Variants in COBL observed in about 807,000 individuals in gnomAD.
The protein encoded by COBL is cordon-bleu WH2 repeat protein.
COBL carries 51 observed loss-of-function variants against 98.8 expected under a neutral mutation model. The ratio of observed to expected loss-of-function variants is 0.52; its 90% confidence interval spans 0.41 to 0.65. COBL has a LOEUF of 0.65. Among genes scored for constraint, COBL ranks in the 30% least tolerant of loss-of-function variants. COBL has a pLI of 0.00. For synonymous variants in COBL, 634 were observed against 651.7 expected (o/e 0.97, Z 0.41); for missense variants, 1,617 against 1,617.5 (o/e 1.00, Z 0.01).
In COBL at chr7:51,028,718, G is replaced by A. The variant is rs747249558; in HGVS notation, c.2378C>T (p.Ser793Phe). The stretch of plus-strand genomic sequence containing the variant: ...CTGCGTCTGCGTGGGCACAGGGGTG[G>A]AGGGGGGTCCCCTGGCAGAGCTCTC... Reference protein sequence around the residue: ...PSESSARGPPSTPVPTQTQNP... With the variant: ...PSESSARGPPFTPVPTQTQNP... The change falls in exon 10 of 13, where the codon TCC (serine) becomes TTC (phenylalanine). Residue 793 changes from serine to phenylalanine, a missense_variant. By Grantham distance (155) the Ser-to-Phe change is radical (BLOSUM62 -2). Coordinates refer to ENST00000265136, the MANE Select transcript of COBL (RefSeq NM_015198.5). 3.1e-6 allele frequency: 5 copies of A among 1,614,086 alleles called. No individual in the cohort carries two copies. The highest frequency in any genetic ancestry group is 4.2e-6 in the Non-Finnish European group (5 of 1,179,994).
chr7:51,238,623 G>A (rs950666170), intron 1 of COBL, among the ~76,000 whole-genome samples: 11 of 147,282 alleles, frequency 7.5e-5, no homozygotes, highest in African/African-American at 2.8e-4. Flanking sequence ...AGCAAAGGGG[G>A]AAAAATGTTG....
intron 7 of COBL, among the ~76,000 whole-genome samples, chr7:51,049,496 C>G (rs1790033096): frequency 6.6e-6 from 1 of 152,174 alleles, no homozygotes; most frequent in African/African-American, 2.4e-5. Context: ...AGTCCTGATT[C>G]TCCCAGAAGA....
At chr7:51,045,662 A>C (rs1170674172) in intron 7 of COBL, among the ~76,000 whole-genome samples, 1 of 152,086 alleles carries the variant, frequency 6.6e-6, no homozygotes, top group Non-Finnish European at 1.5e-5. Flanking sequence ...CCCTCAGAGC[A>C]CCTGGTACAT....
intron 5 of COBL, among the ~76,000 whole-genome samples, chr7:51,161,636 T>G (rs1369761178): frequency 6.7e-6 from 1 of 149,296 alleles, no homozygotes; most frequent in Non-Finnish European, 1.5e-5. Context: ...TTTGCTTGTT[T>G]TATAAGGCAG....
At chr7:51,219,027 A>T (rs1793360440) in intron 2 of COBL, among the ~76,000 whole-genome samples, 1 of 152,196 alleles carries the variant, frequency 6.6e-6, no homozygotes, top group South Asian at 2.1e-4. Flanking sequence ...TAAAATCATG[A>T]TTATTTTGAT....
At chr7:51,123,007 CAT>C (rs1797884671) in intron 6 of COBL, among the ~76,000 whole-genome samples, 1 of 151,576 alleles carries the variant, frequency 6.6e-6, no homozygotes, top group African/African-American at 2.4e-5. Flanking sequence ...AATTGAATGA[CAT>C]AATTATTTTT....
At chr7:51,203,100 A>C (rs1301343865) in intron 2 of COBL, among the ~76,000 whole-genome samples, 1 of 151,982 alleles carries the variant, frequency 6.6e-6, no homozygotes, top group African/African-American at 2.4e-5. Context: ...ACCTAACTTT[A>C]CACTTCAGGG....
intron 7 of COBL, among the ~76,000 whole-genome samples, chr7:51,062,667 C>T (rs1562860871): frequency 6.6e-6 from 1 of 152,210 alleles, no homozygotes; most frequent in Non-Finnish European, 1.5e-5. Flanking sequence ...TGCTGATCTG[C>T]AGGGGCTGGA....
At chr7:51,154,069 G>T (rs1785842404) in intron 5 of COBL, among the ~76,000 whole-genome samples, 1 of 152,146 alleles carries the variant, frequency 6.6e-6, no homozygotes, top group Non-Finnish European at 1.5e-5. Flanking sequence ...CTTGGCAGAT[G>T]CAACCTTCCA....
At chr7:51,149,649 C>G (rs1198292887) in intron 5 of COBL, among the ~76,000 whole-genome samples, 2 of 152,166 alleles carry the variant, frequency 1.3e-5, no homozygotes, top group Admixed American at 1.3e-4. Flanking sequence ...CTGTGTCGCC[C>G]AGGCTGGAGT....
intron 1 of COBL, among the ~76,000 whole-genome samples, chr7:51,316,025 G>A (rs894393381): frequency 8.5e-5 from 13 of 152,228 alleles, no homozygotes; most frequent in African/African-American, 3.1e-4. Context: ...CTGCTGCCAT[G>A]AAACCCTCCG....
At chr7:51,102,076 C>T (rs1795858000) in intron 6 of COBL, among the ~76,000 whole-genome samples, 1 of 152,196 alleles carries the variant, frequency 6.6e-6, no homozygotes, top group Non-Finnish European at 1.5e-5. Flanking sequence ...GAAGAGATCA[C>T]TCATCAGTCA....
intron 8 of COBL, 72 bp from the exon 9 acceptor site, chr7:51,030,981 A>T (rs1240977961): frequency 9.7e-7 from 1 of 1,033,238 alleles, no homozygotes; most frequent in Non-Finnish European, 1.5e-6. Flanking sequence ...TTCCAGGAAT[A>T]TCTGAGGATA....
At chr7:51,103,415 C>T (rs1410263777) in intron 6 of COBL, among the ~76,000 whole-genome samples, 1 of 152,122 alleles carries the variant, frequency 6.6e-6, no homozygotes, top group Admixed American at 6.6e-5. Context: ...CCTAGTTTGT[C>T]ATGGCCTTGA....
intron 12 of COBL, among the ~76,000 whole-genome samples, chr7:51,023,391 T>A (rs552546780): frequency 6.6e-6 from 1 of 152,316 alleles, no homozygotes; most frequent in Non-Finnish European, 1.5e-5. Context: ...CTCCCCAGCA[T>A]CCATGGGTGG....
Position 51,316,753 on chromosome 7 carries a change from G to A in COBL, c.-120C>T, listed in dbSNP as rs187080219. The A allele has an allele frequency of 3.9e-3, 3,138 of 812,086 alleles. 68 individuals are homozygous for A. The African/African-American group carries it at 0.051, about 13-fold the overall frequency. 50.3% of individuals were successfully genotyped at this position (812,086 alleles called of 1,614,324 possible). A position where few individuals can be genotyped will look rare whatever the true frequency, so the allele number is the denominator to read the frequency against. ...GCGCTGACCCATCGTCCTCCCACGC[G>A]GGCCGGCGGAGGACAGCGGCGGAGC... On this transcript the variant is annotated 5_prime_UTR_variant, in exon 1 of 13. Coordinates refer to ENST00000265136, the MANE Select transcript of COBL (RefSeq NM_015198.5).
intron 7 of COBL, among the ~76,000 whole-genome samples, chr7:51,084,242 T>G (rs939382695): frequency 6.6e-6 from 1 of 152,048 alleles, no homozygotes; most frequent in Non-Finnish European, 1.5e-5. Context: ...GGCAGCCACT[T>G]ATCTCAGAAG....
chr7:51,113,119 G>C (rs1404815644), intron 6 of COBL, among the ~76,000 whole-genome samples: 1 of 152,106 alleles, frequency 6.6e-6, no homozygotes, highest in East Asian at 1.9e-4. Context: ...ACACATCCAG[G>C]GAATAGACTT....
intron 2 of COBL, among the ~76,000 whole-genome samples, chr7:51,218,048 C>T (rs1793264381): frequency 6.6e-6 from 1 of 152,224 alleles, no homozygotes; most frequent in Non-Finnish European, 1.5e-5. Flanking sequence ...GAGGAGCAAC[C>T]TCCCATTCTA....
Sources: allele counts gnomAD v4.1 joint callset (sites outside exome capture counted in the v4.1 genomes callset), GRCh38; gene constraint gnomAD v4.1.1; transcripts MANE v1.5; gene names NCBI Gene and HGNC (gene_info 2026-07-23, HGNC 2026-07-21).